The following ENAH variants were observed in gnomAD, a reference collection of about 807,000 sequenced individuals.
The protein encoded by ENAH is ENAH actin regulator, also known as protein enabled homolog.
ENAH carries 23 observed loss-of-function variants against 78.7 expected under a neutral mutation model. That is an observed-to-expected ratio of 0.29 (90% CI 0.21 to 0.41). The LOEUF is 0.41. Ranked by LOEUF, ENAH falls within the 10% of genes least tolerant of loss-of-function variation. The pLI, the probability that ENAH is intolerant of heterozygous loss-of-function variation, is 1.00. For missense variants in ENAH, 544 were observed against 691.0 expected (o/e 0.79, Z 2.39); for synonymous variants, 226 against 241.0 (o/e 0.94, Z 0.58).
intron 1 of ENAH, among the ~76,000 whole-genome samples, chr1:225,647,001 C>T (rs1305296826): frequency 2.7e-5 from 4 of 149,870 alleles, no homozygotes; most frequent in African/African-American, 7.4e-5. Flanking sequence ...CTGAGGTGGG[C>T]GCATCACGAG....
chr1:225,507,433 A>C (rs959992941), intron 11 of ENAH, among the ~76,000 whole-genome samples: 20 of 152,074 alleles, frequency 1.3e-4, no homozygotes, highest in Non-Finnish European at 1.0e-4. Context: ...CTTAATGTTA[A>C]ATTTCTTGAG....
At chr1:225,580,938 A>T in intron 1 of ENAH, among the ~76,000 whole-genome samples, 1 of 146,584 alleles carries the variant, frequency 6.8e-6, no homozygotes, top group African/African-American at 2.5e-5. Flanking sequence ...AAAAGCCAAG[A>T]TTACCTCAGA....
chr1:225,607,488 T>C (rs2096962422), intron 1 of ENAH, among the ~76,000 whole-genome samples: 1 of 148,426 alleles, frequency 6.7e-6, no homozygotes, highest in Admixed American at 6.7e-5. Context: ...CCTAGAAAAG[T>C]TCAGGAATCC....
At chr1:225,529,830 C>G (rs887597035) in intron 4 of ENAH, among the ~76,000 whole-genome samples, 1 of 152,188 alleles carries the variant, frequency 6.6e-6, no homozygotes, top group East Asian at 1.9e-4. Flanking sequence ...AGTATATACA[C>G]TGTCTGAAGA....
chr1:225,607,836 T>C (rs1179855955), intron 1 of ENAH, among the ~76,000 whole-genome samples: 1 of 151,706 alleles, frequency 6.6e-6, no homozygotes. Context: ...CAGCTGAGGG[T>C]CCCCACGGAA....
chr1:225,522,159 G>C (rs1047824783), intron 4 of ENAH, among the ~76,000 whole-genome samples: 3 of 152,070 alleles, frequency 2.0e-5, no homozygotes, highest in Non-Finnish European at 4.4e-5. Flanking sequence ...AAACTGGGTG[G>C]GTCTAGTTAG....
chr1:225,630,315 G>T (rs1231941624), intron 1 of ENAH, among the ~76,000 whole-genome samples: 1 of 152,126 alleles, frequency 6.6e-6, no homozygotes. Flanking sequence ...TAGCATAATA[G>T]TTGAGAGCAC....
intron 11 of ENAH, among the ~76,000 whole-genome samples, chr1:225,505,496 T>C (rs761230842): frequency 2.0e-5 from 3 of 152,194 alleles, no homozygotes; most frequent in Non-Finnish European, 2.9e-5. Flanking sequence ...CATATTCACT[T>C]AACAAATACA....
At chr1:225,596,872 C>T (rs1465209876) in intron 1 of ENAH, among the ~76,000 whole-genome samples, 3 of 152,164 alleles carry the variant, frequency 2.0e-5, no homozygotes. Flanking sequence ...CATCTTAAGA[C>T]TTCAACCTTT....
chr1:225,585,032 T>G (rs1360977635), intron 1 of ENAH, among the ~76,000 whole-genome samples: 2 of 151,778 alleles, frequency 1.3e-5, no homozygotes, highest in Non-Finnish European at 2.9e-5. Context: ...CTGGCCAACA[T>G]GGTGAAACCA....
chr1:225,507,833 G>T, intron 11 of ENAH, 118 bp downstream of exon 11: 1 of 615,282 alleles, frequency 1.6e-6, no homozygotes, highest in Non-Finnish European at 2.6e-6. Flanking sequence ...GGAGGATCAC[G>T]AGAGTTTTAT....
At chr1:225,513,513 C>G (rs898641613) in intron 7 of ENAH, among the ~76,000 whole-genome samples, 3 of 152,110 alleles carry the variant, frequency 2.0e-5, no homozygotes, top group Non-Finnish European at 4.4e-5. Flanking sequence ...TGTCATTGGA[C>G]TATAGATGAA....
At chr1:225,618,987 C>T (rs1656313032) in intron 1 of ENAH, among the ~76,000 whole-genome samples, 1 of 152,236 alleles carries the variant, frequency 6.6e-6, no homozygotes, top group South Asian at 2.1e-4. Flanking sequence ...AATGGCTTAC[C>T]TTCTATCCCC....
intron 1 of ENAH, among the ~76,000 whole-genome samples, chr1:225,646,860 G>A (rs1662061607): frequency 6.6e-6 from 1 of 152,038 alleles, no homozygotes; most frequent in Admixed American, 6.6e-5. Flanking sequence ...ATTTTGTTAT[G>A]GCAGCCCACA....
At chr1:225,516,887 A>G (rs1235143489) in intron 6 of ENAH, among the ~76,000 whole-genome samples, 1 of 151,976 alleles carries the variant, frequency 6.6e-6, no homozygotes, top group African/African-American at 2.4e-5. Flanking sequence ...AAAACAAAAA[A>G]AAAAAAGAAA....
chr1:225,650,854 A>AC, intron 1 of ENAH, among the ~76,000 whole-genome samples: 1 of 143,268 alleles, frequency 7.0e-6, no homozygotes, highest in Non-Finnish European at 1.5e-5. Flanking sequence ...CATTTAAAAA[A>AC]AAAAAAAAAA....
At chr1:225,513,316 A>T (rs532112806) in intron 7 of ENAH, among the ~76,000 whole-genome samples, 2 of 152,330 alleles carry the variant, frequency 1.3e-5, no homozygotes, top group East Asian at 3.9e-4. Flanking sequence ...CTGCATAACT[A>T]GAATCTAATC....
intron 1 of ENAH, among the ~76,000 whole-genome samples, chr1:225,606,324 T>A (rs1205604379): frequency 6.6e-6 from 1 of 151,972 alleles, no homozygotes; most frequent in African/African-American, 2.4e-5. Context: ...TAGCCATGCG[T>A]GGTGGCAGGC....
chr1:225,537,418 T>C (rs2096567092), intron 3 of ENAH, among the ~76,000 whole-genome samples: 1 of 152,194 alleles, frequency 6.6e-6, no homozygotes, highest in African/African-American at 2.4e-5. Context: ...TGTAAAATAT[T>C]GATCTAAATT....
Sources: allele counts gnomAD v4.1 joint callset (sites outside exome capture counted in the v4.1 genomes callset), GRCh38; gene constraint gnomAD v4.1.1; transcripts MANE v1.5; gene names NCBI Gene and HGNC (gene_info 2026-07-23, HGNC 2026-07-21).